Variants in LAMA5 observed in about 807,000 individuals in gnomAD.
The protein encoded by LAMA5 is laminin subunit alpha-5.
Under a neutral mutation model 433.4 loss-of-function variants are expected in LAMA5, and 260 were observed. The observed-to-expected ratio is 0.60, with a 90% CI of 0.54 to 0.66. The LOEUF is 0.66. Ranked by LOEUF, LAMA5 falls within the 30% of genes least tolerant of loss-of-function variation. LAMA5 has a pLI of 0.00. For synonymous variants in LAMA5, 2,620 were observed against 2,226.6 expected (o/e 1.18, Z -4.97); for missense variants, 5,378 against 5,258.5 (o/e 1.02, Z -0.70).
rs753499236 is a variant in LAMA5, at chr20:62,317,830, A to C, written c.7240-52T>G. ...ACAATGAGGGGTAAGAAAAGAATAA[A>C]GGATGTGATGGGGTGGACAGCAGGG... On this transcript the variant is annotated intron_variant, in intron 53 of 79. Transcript: ENST00000252999. 13 of 865,574 alleles carry C rather than the reference A, an allele frequency of 1.5e-5. 1 individual carries two copies. In the South Asian group the frequency reaches 2.0e-4, roughly 13 times the overall value. 53.6% of individuals were successfully genotyped at this position (865,574 alleles called of 1,614,324 possible). A position where few individuals can be genotyped will look rare whatever the true frequency, so the allele number is the denominator to read the frequency against.
chr20:62,321,021 G>A (rs1016876374), intron 48 of LAMA5, 131 bp from the exon 49 acceptor site: 5 of 968,002 alleles, frequency 5.2e-6, no homozygotes, highest in African/African-American at 4.9e-5. Context: ...AGGGACACAG[G>A]ACCTGTGGGG....
In LAMA5 at chr20:62,318,579, C is replaced by T. The variant is rs111653839; in HGVS notation, c.7114G>A (p.Asp2372Asn). 7.4e-3 allele frequency: 11,912 copies of T among 1,610,634 alleles called. 56 individuals carry two copies. Among genetic ancestry groups the T allele is most frequent in the Non-Finnish European group, 8.3e-3 (9,816 of 1,179,054 alleles). Residue 2372 changes from aspartate (D) to asparagine (N), a missense_variant, in exon 53 of 80, where the codon GAC becomes AAC. Coordinates refer to ENST00000252999, the MANE Select transcript of LAMA5 (RefSeq NM_005560.6). The part of the protein sequence containing the change: ...ENQALATQTR[D>N]RLAQHEAGLM... ...CCGGCCTCGTGCTGGGCCAGCCGGT[C>T]GCGGGTTTGTGTGGCCAGTGCCTGG... is the stretch of plus-strand genomic sequence containing the variant.
chr20:62,336,393 C>A lies in LAMA5; in HGVS notation c.2270G>T (p.Arg757Leu). Residue 757 changes from arginine to leucine, a missense_variant, in exon 18 of 80, where the codon CGC (arginine) becomes CTC (leucine). Transcript: ENST00000252999. Reference protein sequence around the residue: ...RAHVEGPSCDRCKPGFWGLSP... With the variant: ...RAHVEGPSCDLCKPGFWGLSP... ...CAGTCCCCAGAACCCAGGTTTGCAG[C>A]GGTCACAGCTCGGCCCCTCCACGTG... 6.2e-7 allele frequency: 1 copy of A among 1,612,478 alleles called. No homozygotes were observed. Among genetic ancestry groups the A allele is most frequent in the Non-Finnish European group, 8.5e-7 (1 of 1,179,758 alleles).
intron 2 of LAMA5, chr20:62,355,436 C>G (rs913761859): frequency 5.9e-5 from 9 of 152,478 alleles, no homozygotes; most frequent in African/African-American, 2.2e-4. Context: ...ACCACAGACC[C>G]CTCATAGCTT....
Position 62,328,953 on chromosome 20 carries a change from T to A in LAMA5, c.4338A>T (p.Thr1446=), listed in dbSNP as rs1353886527. Reference sequence around the variant, plus strand: ...CCCCGAAGGGCTCACACGTGGGGCCTGTAGCACCTACTTCGTGGCAGCCAC... The same window carrying A: ...CCCCGAAGGGCTCACACGTGGGGCCAGTAGCACCTACTTCGTGGCAGCCAC... ...RPCGCHEVGA[T]GPTCEPFGGQ... is the part of the protein sequence containing the mutation. Residue 1446 remains threonine (T), a synonymous_variant, in exon 34 of 80, where the codon ACA becomes ACT. Coordinates refer to ENST00000252999, the MANE Select transcript of LAMA5 (RefSeq NM_005560.6). 1 of 1,612,244 alleles carries A rather than the reference T, an allele frequency of 6.2e-7. No individual in the cohort carries two copies. The highest frequency in any genetic ancestry group is 8.5e-7 in the Non-Finnish European group (1 of 1,179,650).
At position 62,311,676 on chromosome 20, in the gene LAMA5, G is replaced by A. The variant is rs746693699; in HGVS notation, c.9744C>T (p.Gly3248=). The A allele has an allele frequency of 6.3e-7, 1 of 1,591,888 alleles. No homozygotes were observed. The highest frequency in any genetic ancestry group is 1.8e-5 in the Admixed American group (1 of 56,248). ...TGTAAATGGTGCCAGACTCAGGCAG[G>A]CCTCCCAGGAGGAGCCTCGGGGGCC... ...PEGPPRLLLG[G]LPESGTIYNF... is the part of the protein sequence containing the mutation. The change falls in exon 71 of 80, where the codon GGC becomes GGT. Residue 3248 remains glycine (G), a synonymous_variant. Transcript: ENST00000252999.
intron 45 of LAMA5, 34 bp from the exon 46 acceptor site, chr20:62,322,792 CCT>C (rs1978518987): frequency 7.5e-7 from 1 of 1,340,382 alleles, no homozygotes; most frequent in East Asian, 2.7e-5. Context: ...AGCCCTGGGC[CCT>C]CTCACCCCCC....
chr20:62,356,952 G>A lies in LAMA5; in HGVS notation c.451-3701C>T, dbSNP rs997477204. ...CGCTCCGAAGGCAAAGCTGCGGAGG[G>A]GACTGAGTAGGTGCTAGGGTCTGGG... is the stretch of plus-strand genomic sequence containing the variant. On this transcript the variant is annotated intron_variant, in intron 2 of 79. Transcript: ENST00000252999. 7.2e-5 allele frequency among the ~76,000 whole-genome samples: 11 copies of A among 152,186 alleles called. No homozygotes were observed. The East Asian group carries it at 1.7e-3, about 24-fold the overall frequency.
At position 62,327,551 on chromosome 20, in the gene LAMA5, C is replaced by G; in HGVS notation, c.4916G>C (p.Ser1639Thr). 1 of 1,612,892 alleles carries G rather than the reference C, an allele frequency of 6.2e-7. No homozygotes were observed. The highest frequency in any genetic ancestry group is 8.5e-7 in the Non-Finnish European group (1 of 1,180,010). The change falls in exon 37 of 80, where the codon AGC (serine) becomes ACC (threonine). Residue 1639 changes from serine (S) to threonine (T), a missense_variant. By Grantham distance (58) the Ser-to-Thr change is moderately conservative. Coordinates refer to ENST00000252999, the MANE Select transcript of LAMA5 (RefSeq NM_005560.6). ...FCFGATERCR[S>T]SSYTRQEFVD... Reference sequence around the variant, plus strand: ...CACCTCCTGGCGGGTGTAGGACGAGCTCCGGCAGCGCTCCGTGGCCCCAAA... The same window carrying G: ...CACCTCCTGGCGGGTGTAGGACGAGGTCCGGCAGCGCTCCGTGGCCCCAAA...
At chr20:62,320,500 A>C in intron 50 of LAMA5, 59 bp downstream of exon 50, 238 of 1,321,556 alleles carry the variant, frequency 1.8e-4, no homozygotes, top group Non-Finnish European at 2.3e-4. Context: ...AGGACAAGCG[A>C]ACCGCGGGGA....
chr20:62,318,810 C>G (rs758021030), intron 52 of LAMA5, 33 bp downstream of exon 52: 1 of 1,605,670 alleles, frequency 6.2e-7, no homozygotes, highest in Non-Finnish European at 8.5e-7. Flanking sequence ...CCTGCCTCTC[C>G]CCACCCCGCC....
intron 56 of LAMA5, 35 bp from the exon 57 acceptor site, chr20:62,316,808 G>A (rs763434367): frequency 1.5e-5 from 24 of 1,566,748 alleles, no homozygotes; most frequent in South Asian, 6.9e-5. Context: ...GCTCAGACAC[G>A]CAGGCCGGGG....
Position 62,329,122 on chromosome 20 carries a change from C to A in LAMA5, c.4235+16G>T. ...ACCCCCACCCCGGACCCCTGACCTG[C>A]CAGAGCCCTGCCCACCTGATGTGGT... On this transcript the variant is annotated intron_variant, in intron 33 of 79. Transcript: ENST00000252999. 6.2e-7 allele frequency: 1 copy of A among 1,612,310 alleles called. No individual in the cohort carries two copies. Among genetic ancestry groups the A allele is most frequent in the Non-Finnish European group, 8.5e-7 (1 of 1,179,492 alleles).
intron 2 of LAMA5, 133 bp from the exon 3 acceptor site, chr20:62,353,384 T>C (rs557471154): frequency 5.8e-4 from 376 of 648,558 alleles, no homozygotes; most frequent in Non-Finnish European, 9.3e-4. Flanking sequence ...AGGGGGCACC[T>C]CTGGGTTTGC....
intron 11 of LAMA5, among the ~76,000 whole-genome samples, chr20:62,344,675 C>T (rs1208754438): frequency 1.3e-5 from 2 of 152,054 alleles, no homozygotes; most frequent in Non-Finnish European, 2.9e-5. Context: ...TGTCTAACTC[C>T]TGACCTCAGG....
Position 62,312,912 on chromosome 20 carries a change from C to T in LAMA5, c.9054G>A (p.Pro3018=), listed in dbSNP as rs935402272. The stretch of plus-strand genomic sequence containing the variant: ...CCGCCTTGCTGGCCGAGGTCAGGGG[C>T]GGTGGGGGCTGCAGTGGGACGGCCT... ...LKKAVPLQPP[P]PLTSASKAIQ... is the part of the protein sequence containing the mutation. Residue 3018 remains proline (P), a synonymous_variant, in exon 66 of 80, where the codon CCG becomes CCA. Coordinates refer to ENST00000252999, the MANE Select transcript of LAMA5 (RefSeq NM_005560.6). The T allele has an allele frequency of 8.2e-6, 13 of 1,583,622 alleles. 1 individual carries two copies. Among genetic ancestry groups the T allele is most frequent in the East Asian group, 6.7e-5 (3 of 44,534 alleles).
intron 46 of LAMA5, 70 bp from the exon 47 acceptor site, chr20:62,322,519 G>T (rs551424440): frequency 1.1e-5 from 16 of 1,498,790 alleles, no homozygotes; most frequent in South Asian, 7.3e-5. Context: ...GAAGCCAGGG[G>T]TCCTGCCCAT....
rs1422024788 is a variant in LAMA5 at position 62,333,598 on chromosome 20, C to G, written c.2987G>C (p.Trp996Ser). 1 of 1,572,678 alleles carries G rather than the reference C, an allele frequency of 6.4e-7. No individual in the cohort carries two copies. Among genetic ancestry groups the G allele is most frequent in the African/African-American group, 1.3e-5 (1 of 74,394 alleles). The change falls in exon 24 of 80, where the codon TGG (tryptophan) becomes TCG (serine). Residue 996 changes from tryptophan (W) to serine (S), a missense_variant. Transcript: ENST00000252999. ...GEPFVLNPGT[W>S]ALRVEAEGVL... is the part of the protein sequence containing the mutation. ...CCCTTCGGCCTCCACACGCAGGGCC[C>G]AGGTGCCAGGGTTCAGCACAAAGGG...
In LAMA5 at chr20:62,324,610, C is replaced by T. The variant is rs2146140011; in HGVS notation, c.5530-56G>A. On this transcript the variant is annotated intron_variant, in intron 41 of 79. Coordinates refer to ENST00000252999, the MANE Select transcript of LAMA5 (RefSeq NM_005560.6). The surrounding 1 kb of genome is among the most constrained non-coding windows in gnomAD (Gnocchi z 4.4). ...CGATTGAGAGGACGAGGGGCCCCAC[C>T]CTGCAAGCTCACAAGTCAGACCCTC... The T allele has an allele frequency of 8.5e-7, 1 of 1,173,920 alleles. No homozygotes were observed. The highest frequency in any genetic ancestry group is 1.9e-5 in the Admixed American group (1 of 51,818). The allele number at this position is 1,173,920 out of a possible 1,614,324, so 72.7% of individuals were successfully genotyped here. A position where few individuals can be genotyped will look rare whatever the true frequency, so the allele number is the denominator to read the frequency against.
Sources: allele counts gnomAD v4.1 joint callset (sites outside exome capture counted in the v4.1 genomes callset), GRCh38; gene constraint gnomAD v4.1.1; non-coding constraint Gnocchi (gnomAD v3.1); transcripts MANE v1.5; gene names NCBI Gene and HGNC (gene_info 2026-07-23, HGNC 2026-07-21).